ODAD2: variants seen among roughly 807,000 people sequenced by gnomAD.
ODAD2 encodes the protein outer dynein arm-docking complex subunit 2.
In ODAD2, 89 loss-of-function variants were observed where a neutral mutation model predicts 106.8. The ratio of observed to expected loss-of-function variants is 0.83; its 90% CI spans 0.70 to 0.99. The LOEUF is 0.99. ODAD2 is among the 50% of genes least tolerant of loss of function. The probability of loss-of-function intolerance (pLI) is 0.00; values close to 1 mark genes in which losing one functional copy is unlikely to be tolerated. For synonymous variants in ODAD2, 404 were observed against 436.2 expected (o/e 0.93, Z 0.92); for missense variants, 1,168 against 1,238.5 (o/e 0.94, Z 0.85).
At position 27,938,844 on chromosome 10, in the gene ODAD2, C is replaced by T. The variant is rs541215568; in HGVS notation, c.2097+1053G>A. Among the ~76,000 whole-genome samples the T allele has an allele frequency of 7.9e-5, 12 of 152,220 alleles. No individual in the cohort carries two copies. In the South Asian group the frequency reaches 2.3e-3, roughly 29 times the overall value. On this transcript the variant is annotated intron_variant, in intron 14 of 19. Coordinates refer to ENST00000305242, the MANE Select transcript of ODAD2 (RefSeq NM_018076.5). ...TGAACCCCTGACCTGAAGTGATTCG[C>T]CCATCTCAGCCTCCCAAAGTGCTGG...
intron 16 of ODAD2, among the ~76,000 whole-genome samples, chr10:27,911,613 C>T (rs79036356): frequency 0.02 from 2,981 of 152,280 alleles, 74 homozygotes; most frequent in African/African-American, 0.06. Flanking sequence ...CCGTTATGCA[C>T]TTTCAACTAT....
chr10:27,970,943 G>A (rs188423517), intron 8 of ODAD2, among the ~76,000 whole-genome samples, 165 bp downstream of exon 8: 1 of 151,820 alleles, frequency 6.6e-6, no homozygotes, highest in Non-Finnish European at 1.5e-5. Flanking sequence ...CTGCACTCCT[G>A]CCTGGGCAAC....
intron 10 of ODAD2, among the ~76,000 whole-genome samples, chr10:27,958,381 C>A (rs1441309416): frequency 1.3e-5 from 2 of 152,168 alleles, no homozygotes; most frequent in African/African-American, 4.8e-5. Context: ...ACTCTCTTTG[C>A]CATGTTCACT....
intron 17 of ODAD2, among the ~76,000 whole-genome samples, chr10:27,879,696 T>C (rs543764641): frequency 3.3e-5 from 5 of 152,288 alleles, no homozygotes; most frequent in South Asian, 2.1e-4. Flanking sequence ...AGTTTACTTG[T>C]TGGATCTGTT....
intron 9 of ODAD2, among the ~76,000 whole-genome samples, chr10:27,965,240 G>C (rs1432092848): frequency 3.9e-5 from 6 of 152,206 alleles, no homozygotes; most frequent in East Asian, 1.9e-4. Context: ...GGTCTAATCT[G>C]AAGAGTAAGG....
chr10:27,994,891 A>C, intron 2 of ODAD2, 28 bp downstream of exon 2: 2 of 1,611,516 alleles, frequency 1.2e-6, no homozygotes. Flanking sequence ...CGAAGATATC[A>C]AATCCTAGAA....
intron 2 of ODAD2, among the ~76,000 whole-genome samples, chr10:27,989,275 G>A (rs1850074743): frequency 6.6e-6 from 1 of 152,166 alleles, no homozygotes; most frequent in Non-Finnish European, 1.5e-5. Flanking sequence ...TCTGCTGGGT[G>A]CAGATAGGGA....
intron 3 of ODAD2, among the ~76,000 whole-genome samples, chr10:27,985,818 A>T (rs1849842258): frequency 6.6e-6 from 1 of 150,838 alleles, no homozygotes; most frequent in Non-Finnish European, 1.5e-5. Flanking sequence ...TTAAAATTAT[A>T]GTGAAAAACA....
At chr10:27,851,260 A>G (rs114934454) in intron 19 of ODAD2, among the ~76,000 whole-genome samples, 1,754 of 152,274 alleles carry the variant, frequency 0.012, 38 homozygotes, top group African/African-American at 0.04. Context: ...TCCCTACTCT[A>G]GTCTTGCTAA....
chr10:27,814,553 C>A (rs1003319253), intron 19 of ODAD2, among the ~76,000 whole-genome samples: 1 of 152,194 alleles, frequency 6.6e-6, no homozygotes, highest in African/African-American at 2.4e-5. Flanking sequence ...TTTTTCATCA[C>A]TTTCAACAGT....
intron 9 of ODAD2, among the ~76,000 whole-genome samples, chr10:27,964,842 A>C (rs543324946): frequency 2.6e-5 from 4 of 152,324 alleles, no homozygotes; most frequent in Admixed American, 2.6e-4. Context: ...TGTCTTTTAT[A>C]CTGTCTCCCC....
chr10:27,880,947 T>C (rs948876599), intron 17 of ODAD2, among the ~76,000 whole-genome samples: 2 of 152,166 alleles, frequency 1.3e-5, no homozygotes, highest in South Asian at 2.1e-4. Context: ...GTGAACCCAA[T>C]GTTTGGAAAC....
chr10:27,934,496 T>C (rs952584649), intron 16 of ODAD2, among the ~76,000 whole-genome samples: 1 of 151,286 alleles, frequency 6.6e-6, no homozygotes, highest in South Asian at 2.1e-4. Context: ...TCTATATGTA[T>C]ATTGTATCTT....
chr10:27,982,422 G>A (rs563666566), intron 6 of ODAD2, among the ~76,000 whole-genome samples: 90 of 152,042 alleles, frequency 5.9e-4, no homozygotes, highest in African/African-American at 2.1e-3. Context: ...TAGAAATAAA[G>A]ACTCCCTGCC....
intron 16 of ODAD2, among the ~76,000 whole-genome samples, chr10:27,927,786 T>G (rs147236969): frequency 1.3e-5 from 2 of 152,110 alleles, no homozygotes; most frequent in Admixed American, 1.3e-4. Flanking sequence ...ACAGAGACTT[T>G]TTCTTCATTC....
At chr10:27,918,291 G>T (rs542962467) in intron 16 of ODAD2, among the ~76,000 whole-genome samples, 8 of 151,852 alleles carry the variant, frequency 5.3e-5, no homozygotes, top group African/African-American at 1.9e-4. Context: ...CAACATGAAC[G>T]CAAGAATGCA....
Position 27,944,460 on chromosome 10 carries a change from G to A in ODAD2, c.1534-29C>T, listed in dbSNP as rs747722445. ...TGTGAGAAAAAAAAAGATGAGTGGC[G>A]AATATGTAACCCGTGCTATGTTTTT... On this transcript the variant is annotated intron_variant, in intron 11 of 19. Coordinates refer to ENST00000305242, the MANE Select transcript of ODAD2 (RefSeq NM_018076.5). 141 of 1,572,476 alleles carry A rather than the reference G, an allele frequency of 9.0e-5. 1 individual carries two copies. The highest frequency in any genetic ancestry group is 2.6e-4 in the South Asian group (23 of 90,048).
intron 17 of ODAD2, among the ~76,000 whole-genome samples, chr10:27,893,456 C>T (rs1396707531): frequency 6.6e-6 from 1 of 152,156 alleles, no homozygotes; most frequent in African/African-American, 2.4e-5. Flanking sequence ...TGTCTAAAGG[C>T]GTAGCTGGTG....
At chr10:27,845,892 A>G (rs1838708592) in intron 19 of ODAD2, among the ~76,000 whole-genome samples, 1 of 152,232 alleles carries the variant, frequency 6.6e-6, no homozygotes, top group Non-Finnish European at 1.5e-5. Flanking sequence ...ATATATATGC[A>G]CCCAATACAG....
Sources: allele counts gnomAD v4.1 joint callset (sites outside exome capture counted in the v4.1 genomes callset), GRCh38; gene constraint gnomAD v4.1.1; transcripts MANE v1.5; gene names NCBI Gene and HGNC (gene_info 2026-07-23, HGNC 2026-07-21).